CERKL: variants seen among roughly 807,000 people sequenced by gnomAD.
CERKL encodes the protein CERK like autophagy regulator, also known as ceramide kinase-like protein.
A neutral mutation model predicts 63.4 loss-of-function variants in CERKL; 61 were observed. The observed-to-expected ratio is 0.96, with a 90% CI of 0.78 to 1.19. The LOEUF is 1.19. CERKL is among the 50% of genes most tolerant of loss of function. The pLI is 0.00. For missense variants in CERKL, 675 were observed against 655.5 expected (o/e 1.03, Z -0.33); for synonymous variants, 250 against 230.5 (o/e 1.08, Z -0.77).
rs552451087 is a variant in CERKL at position 181,576,085 on chromosome 2, T to C, written c.482-2201A>G. Among the ~76,000 whole-genome samples, 214 of 152,292 alleles carry C rather than the reference T, an allele frequency of 1.4e-3. 2 individuals are homozygous for C. Among genetic ancestry groups the C allele is most frequent in the African/African-American group, 4.6e-3 (191 of 41,562 alleles). The stretch of plus-strand genomic sequence containing the variant: ...TGAATAATAACAGTATTATACAACA[T>C]TGAATTTTCTAAACACCCAACTTCA... On this transcript the variant is annotated intron_variant, in intron 2 of 12. Transcript: ENST00000410087.
At chr2:181,656,643 G>A in intron 1 of CERKL, 126 bp downstream of exon 1, 4 of 824,050 alleles carry the variant, frequency 4.9e-6, no homozygotes, top group African/African-American at 1.8e-5. Context: ...CGGGCAGTGA[G>A]GCGAGCACGG....
intron 3 of CERKL, among the ~76,000 whole-genome samples, chr2:181,568,214 C>A (rs1688745812): frequency 6.6e-6 from 1 of 152,292 alleles, no homozygotes; most frequent in Non-Finnish European, 1.5e-5. Context: ...GGAAACATTT[C>A]TTGGTTTGGT....
In CERKL at chr2:181,558,794, C is replaced by T. The variant is rs182279813; in HGVS notation, c.678-86G>A. The T allele has an allele frequency of 3.9e-4, 551 of 1,409,682 alleles. 1 individual carries two copies. Among genetic ancestry groups the T allele is most frequent in the South Asian group, 1.7e-3 (141 of 84,884 alleles). The allele number at this position is 1,409,682 out of a possible 1,614,324, so 87.3% of individuals were successfully genotyped here. A position where few individuals can be genotyped will look rare whatever the true frequency, so the allele number is the denominator to read the frequency against. The stretch of plus-strand genomic sequence containing the variant: ...GAAATCTAGACTTCAAAATAGTTTA[C>T]TAATTTGTAGTCTATGTGCATAACT... On this transcript the variant is annotated intron_variant, in intron 4 of 12. Transcript: ENST00000410087. The surrounding 1 kb of genome is among the most constrained non-coding windows in gnomAD (Gnocchi z 4.2).
At chr2:181,543,648 G>A (rs1347070152) in intron 11 of CERKL, among the ~76,000 whole-genome samples, 3 of 152,192 alleles carry the variant, frequency 2.0e-5, no homozygotes, top group Middle Eastern at 3.4e-3. Context: ...TCCTCCTCCC[G>A]TCTGTTATCT....
At chr2:181,629,130 A>T in intron 1 of CERKL, among the ~76,000 whole-genome samples, 1 of 152,300 alleles carries the variant, frequency 6.6e-6, no homozygotes, top group Non-Finnish European at 1.5e-5. Context: ...ATATGATTCA[A>T]TAATCCTGAA....
chr2:181,651,649 A>T (rs559003826), intron 1 of CERKL, among the ~76,000 whole-genome samples: 8 of 152,212 alleles, frequency 5.3e-5, no homozygotes, highest in Non-Finnish European at 1.0e-4. Context: ...TATTCAACAT[A>T]CTACTGAAAG....
intron 1 of CERKL, among the ~76,000 whole-genome samples, chr2:181,644,844 G>A (rs1687602372): frequency 6.6e-6 from 1 of 152,152 alleles, no homozygotes; most frequent in South Asian, 2.1e-4. Context: ...CACAAAGGAA[G>A]CTAATTCCCA....
chr2:181,657,096 G>A lies in CERKL; in HGVS notation c.-90C>T. 8.2e-7 allele frequency: 1 copy of A among 1,223,722 alleles called. No individual in the cohort carries two copies. Among genetic ancestry groups the A allele is most frequent in the Non-Finnish European group, 1.2e-6 (1 of 854,840 alleles). The allele number at this position is 1,223,722 out of a possible 1,614,324, so 75.8% of individuals were successfully genotyped here. A position where few individuals can be genotyped will look rare whatever the true frequency, so the allele number is the denominator to read the frequency against. Reference sequence around the variant, plus strand: ...GCGCGGCAGCCCCAGCTCTAGCCGCGTCCAGCGCTGCCACAGCAACGGCGC... The same window carrying A: ...GCGCGGCAGCCCCAGCTCTAGCCGCATCCAGCGCTGCCACAGCAACGGCGC... On this transcript the variant is annotated 5_prime_UTR_variant, in exon 1 of 13. It adds an upstream start codon to the 5' untranslated region. Transcript: ENST00000410087.
chr2:181,582,319 G>T (rs1045338367), intron 2 of CERKL, among the ~76,000 whole-genome samples: 1 of 152,016 alleles, frequency 6.6e-6, no homozygotes, highest in African/African-American at 2.4e-5. Flanking sequence ...TCAGTGTGCT[G>T]GTCATGGAAA....
At chr2:181,626,133 AC>A (rs1559112492) in intron 1 of CERKL, among the ~76,000 whole-genome samples, 1 of 152,050 alleles carries the variant, frequency 6.6e-6, no homozygotes, top group African/African-American at 2.4e-5. Flanking sequence ...CCAAAAAACC[AC>A]CCTTCAATTA....
At chr2:181,584,810 T>A (rs1399774725) in intron 2 of CERKL, among the ~76,000 whole-genome samples, 1 of 151,484 alleles carries the variant, frequency 6.6e-6, no homozygotes, top group East Asian at 1.9e-4. Context: ...CCCAAATAGC[T>A]CCCCGGTTTT....
At chr2:181,549,521 T>C (rs1341772211) in intron 6 of CERKL, 113 bp downstream of exon 6, 1 of 843,700 alleles carries the variant, frequency 1.2e-6, no homozygotes, top group Non-Finnish European at 2.0e-6. Flanking sequence ...ATTTCTCTAC[T>C]CTAAGAGACA....
intron 2 of CERKL, among the ~76,000 whole-genome samples, chr2:181,591,194 T>G (rs1485653009): frequency 6.6e-6 from 1 of 151,976 alleles, no homozygotes; most frequent in African/African-American, 2.4e-5. Context: ...GTATAAAAAT[T>G]TAAAAAACAT....
At chr2:181,633,184 C>T (rs1687037403) in intron 1 of CERKL, among the ~76,000 whole-genome samples, 1 of 152,176 alleles carries the variant, frequency 6.6e-6, no homozygotes, top group Admixed American at 6.5e-5. Context: ...AAAGGTGCCA[C>T]ACCTAATGCA....
At chr2:181,599,359 A>G in intron 2 of CERKL, among the ~76,000 whole-genome samples, 1 of 151,984 alleles carries the variant, frequency 6.6e-6, no homozygotes, top group Non-Finnish European at 1.5e-5. Flanking sequence ...AACATGGCAA[A>G]ACCTTGTCTC....
intron 4 of CERKL, among the ~76,000 whole-genome samples, chr2:181,562,548 TC>T (rs2105826954): frequency 6.6e-6 from 1 of 152,314 alleles, no homozygotes; most frequent in Admixed American, 6.5e-5. Flanking sequence ...AAGTATTCAA[TC>T]ATTTATAGTG....
At chr2:181,572,571 T>A (rs552675202) in intron 3 of CERKL, among the ~76,000 whole-genome samples, 2 of 152,322 alleles carry the variant, frequency 1.3e-5, no homozygotes, top group Non-Finnish European at 2.9e-5. Flanking sequence ...TTTGGAAATC[T>A]TCAGTAGAAA....
intron 2 of CERKL, among the ~76,000 whole-genome samples, chr2:181,580,059 A>T (rs770109708): frequency 2.6e-5 from 4 of 151,974 alleles, no homozygotes; most frequent in Non-Finnish European, 5.9e-5. Context: ...TTATTTTTAC[A>T]TATGATCTTT....
chr2:181,538,384 T>C lies in CERKL; in HGVS notation c.1539-140A>G, dbSNP rs1016160113. On this transcript the variant is annotated intron_variant, in intron 12 of 12. Coordinates refer to ENST00000410087, the MANE Select transcript of CERKL (RefSeq NM_201548.5). ...CCAACAGAGCTGTAATCTAGAAAAC[T>C]GAGAAGGTCTGATTGATAAATCATC... 3 of 613,926 alleles carry C rather than the reference T, an allele frequency of 4.9e-6. No individual in the cohort carries two copies. The African/African-American group carries it at 5.6e-5, about 11-fold the overall frequency. 38.0% of individuals were successfully genotyped at this position (613,926 alleles called of 1,614,324 possible).
Sources: gnomAD v4.1 joint callset for allele counts (sites outside exome capture counted in the v4.1 genomes callset) on GRCh38, gnomAD v4.1.1 for gene constraint, Gnocchi (gnomAD v3.1) non-coding constraint, MANE v1.5 for transcripts, NCBI Gene and HGNC (gene_info 2026-07-23, HGNC 2026-07-21) for gene names.